Variants in SLIT1 observed in about 807,000 individuals in gnomAD.
SLIT1 encodes slit homolog 1 protein.
SLIT1 carries 66 observed loss-of-function variants against 186.1 expected under a neutral mutation model. The observed-to-expected ratio is 0.35, with a 90% CI of 0.29 to 0.44. The LOEUF (loss-of-function observed/expected upper bound fraction) is 0.44, where lower values mean the gene tolerates loss of function less well. SLIT1 is among the 20% of genes least tolerant of loss of function. The probability of loss-of-function intolerance (pLI) is 1.00; values close to 1 mark genes in which losing one functional copy is unlikely to be tolerated. For missense variants in SLIT1, 1,638 were observed against 2,037.4 expected, an observed-to-expected ratio of 0.80 and a Z score of 3.77; for synonymous variants, 761 against 833.8, an observed-to-expected ratio of 0.91 and a Z score of 1.50.
rs1415466660 is a variant in SLIT1 at position 97,002,147 on chromosome 10, G to A, written c.4366+11C>T. ...CCCTGGGGAGGGCACGTCAGGAGGGGGGCCCCTGACCTTGCTCACACAGCT... is the reference window on the plus strand; with the variant it reads ...CCCTGGGGAGGGCACGTCAGGAGGGAGGCCCCTGACCTTGCTCACACAGCT... On this transcript the variant is annotated intron_variant, in intron 36 of 36. Coordinates refer to ENST00000266058, the MANE Select transcript of SLIT1 (RefSeq NM_003061.3). 2.3e-5 allele frequency: 33 copies of A among 1,425,192 alleles called. No homozygotes were observed. Among genetic ancestry groups the A allele is most frequent in the Non-Finnish European group, 3.1e-5 (33 of 1,081,422 alleles). 88.3% of individuals were successfully genotyped at this position (1,425,192 alleles called of 1,614,324 possible).
intron 11 of SLIT1, among the ~76,000 whole-genome samples, chr10:97,059,125 C>A (rs1302598724): frequency 6.6e-6 from 1 of 152,200 alleles, no homozygotes; most frequent in African/African-American, 2.4e-5. Flanking sequence ...GGGCTTCGGG[C>A]GGGGGACGGG....
At chr10:97,096,385 C>T (rs1419107232) in intron 4 of SLIT1, among the ~76,000 whole-genome samples, 6 of 152,128 alleles carry the variant, frequency 3.9e-5, no homozygotes, top group African/African-American at 1.2e-4. Flanking sequence ...TCGAGCCCCC[C>T]CGCCAGCGCC....
chr10:97,026,863 A>G (rs1366996677), intron 25 of SLIT1, among the ~76,000 whole-genome samples: 1 of 152,270 alleles, frequency 6.6e-6, no homozygotes, highest in East Asian at 1.9e-4. Context: ...GTGAGACCTT[A>G]GAAATCATCT....
At chr10:97,031,863 C>A (rs1041413497) in intron 23 of SLIT1, among the ~76,000 whole-genome samples, 186 bp from the exon 24 acceptor site, 1 of 152,228 alleles carries the variant, frequency 6.6e-6, no homozygotes, top group African/African-American at 2.4e-5. Flanking sequence ...CTTGGGCATG[C>A]CCCCTAATCC....
intron 13 of SLIT1, among the ~76,000 whole-genome samples, chr10:97,053,962 TG>T: frequency 6.6e-6 from 1 of 152,074 alleles, no homozygotes; most frequent in East Asian, 1.9e-4. Context: ...GTTCGGTGTT[TG>T]GTCGAATTTG....
Position 97,043,799 on chromosome 10 carries a change from G to A in SLIT1, c.1854-286C>T, listed in dbSNP as rs567400057. On this transcript the variant is annotated intron_variant, in intron 18 of 36. Coordinates refer to ENST00000266058, the MANE Select transcript of SLIT1 (RefSeq NM_003061.3). The surrounding 1 kb of genome is among the most constrained non-coding windows in gnomAD (Gnocchi z 7.0). ...CTGGCCTTGCCTCCGTGCCCTGGGT[G>A]CCCAGAGTTCCTGCCCGTCTTTAGG... Among the ~76,000 whole-genome samples, 1 of 152,280 alleles carries A rather than the reference G, an allele frequency of 6.6e-6. No homozygotes were observed. Among genetic ancestry groups the A allele is most frequent in the Non-Finnish European group, 1.5e-5 (1 of 68,010 alleles).
chr10:97,098,151 T>C (rs1396716477), intron 4 of SLIT1, among the ~76,000 whole-genome samples: 2 of 152,196 alleles, frequency 1.3e-5, no homozygotes, highest in Non-Finnish European at 2.9e-5. Flanking sequence ...GGTGGGGTTG[T>C]GCAGGGAATG....
intron 9 of SLIT1, 34 bp from the exon 10 acceptor site, chr10:97,060,192 C>A: frequency 1.9e-6 from 3 of 1,551,972 alleles, no homozygotes; most frequent in Non-Finnish European, 2.7e-6. Flanking sequence ...AGCCCAAGGG[C>A]CCAGGTCAGC....
chr10:97,109,112 G>A (rs1849442157), intron 4 of SLIT1, among the ~76,000 whole-genome samples: 2 of 151,722 alleles, frequency 1.3e-5, no homozygotes, highest in South Asian at 2.1e-4. Flanking sequence ...ACTTTGGGAA[G>A]CCAAGGTGGG....
chr10:97,004,661 GA>G lies in SLIT1; in HGVS notation c.3710+31del. On this transcript the variant is annotated intron_variant, in intron 33 of 36. Coordinates refer to ENST00000266058, the MANE Select transcript of SLIT1 (RefSeq NM_003061.3). The surrounding 1 kb of genome is among the most constrained non-coding windows in gnomAD (Gnocchi z 5.1). ...CTCGCCCTGGCAGTCCCGTACCCCT[GA>G]GGGCAGCTGGGGGGCATAAGGAAGC... 1 of 1,613,592 alleles carries G rather than the reference GA, an allele frequency of 6.2e-7. No homozygotes were observed. The highest frequency in any genetic ancestry group is 1.3e-5 in the African/African-American group (1 of 75,022).
At chr10:97,017,180 G>A (rs1309393508) in intron 28 of SLIT1, among the ~76,000 whole-genome samples, 3 of 152,204 alleles carry the variant, frequency 2.0e-5, no homozygotes, top group Non-Finnish European at 2.9e-5. Context: ...CAGCTGGGGC[G>A]TCTCAGGAAT....
At chr10:97,054,519 G>A (rs1848820454) in intron 13 of SLIT1, among the ~76,000 whole-genome samples, 1 of 152,156 alleles carries the variant, frequency 6.6e-6, no homozygotes, top group South Asian at 2.1e-4. Context: ...ATGAATTAAT[G>A]GGTTCAAGCA....
At chr10:97,171,016 C>T (rs754238537) in intron 1 of SLIT1, among the ~76,000 whole-genome samples, 3 of 151,994 alleles carry the variant, frequency 2.0e-5, no homozygotes, top group Non-Finnish European at 2.9e-5. Context: ...TCACAGCTTG[C>T]GGTGGATGGA....
intron 1 of SLIT1, among the ~76,000 whole-genome samples, chr10:97,176,251 A>C (rs2134742220): frequency 6.6e-6 from 1 of 152,160 alleles, no homozygotes; most frequent in African/African-American, 2.4e-5. Context: ...TGTTATGAGG[A>C]GTAAAAGAAG....
At chr10:97,034,628 G>T in intron 22 of SLIT1, 86 bp from the exon 23 acceptor site, 1 of 1,218,338 alleles carries the variant, frequency 8.2e-7, no homozygotes, top group Non-Finnish European at 1.2e-6. Flanking sequence ...CCCTCACTCT[G>T]CCCAGGGCCA....
In SLIT1 at chr10:97,185,828, C is replaced by A. The variant is rs1850407801; in HGVS notation, c.-154G>T. The A allele has an allele frequency of 1.6e-6, 1 of 616,880 alleles. No homozygotes were observed. The highest frequency in any genetic ancestry group is 4.3e-5 in the Admixed American group (1 of 23,346). 38.2% of individuals were successfully genotyped at this position (616,880 alleles called of 1,614,324 possible). Reference sequence around the variant, plus strand: ...CCTGCGGGCTGGGAGGCACCTTGCTCCTCCAAGCGACGGCGCCTGTGCGCG... The same window carrying A: ...CCTGCGGGCTGGGAGGCACCTTGCTACTCCAAGCGACGGCGCCTGTGCGCG... On this transcript the variant is annotated 5_prime_UTR_variant, in exon 1 of 37. Coordinates refer to ENST00000266058, the MANE Select transcript of SLIT1 (RefSeq NM_003061.3).
intron 4 of SLIT1, among the ~76,000 whole-genome samples, chr10:97,152,623 T>C (rs1056724035): frequency 1.3e-5 from 2 of 152,194 alleles, no homozygotes; most frequent in Admixed American, 1.3e-4. Flanking sequence ...ATCACAGGCA[T>C]TTGCTTCACC....
At chr10:97,171,354 G>A (rs139884318) in intron 1 of SLIT1, among the ~76,000 whole-genome samples, 35 of 152,134 alleles carry the variant, frequency 2.3e-4, no homozygotes, top group Admixed American at 7.8e-4. Flanking sequence ...CTCTATCCTC[G>A]AGCCTGAGTC....
At chr10:97,159,329 G>C (rs1465091884) in intron 3 of SLIT1, among the ~76,000 whole-genome samples, 1 of 152,152 alleles carries the variant, frequency 6.6e-6, no homozygotes, top group African/African-American at 2.4e-5. Context: ...CAGACCCACT[G>C]GAAGTTTACT....
Sources: gnomAD v4.1 joint callset for allele counts (sites outside exome capture counted in the v4.1 genomes callset) on GRCh38, gnomAD v4.1.1 for gene constraint, Gnocchi (gnomAD v3.1) non-coding constraint, MANE v1.5 for transcripts, NCBI Gene and HGNC (gene_info 2026-07-23, HGNC 2026-07-21) for gene names.